The following NDRG4 variants were observed in gnomAD, a reference collection of about 807,000 sequenced individuals.
NDRG4 encodes protein NDRG4.
In NDRG4, 38 loss-of-function variants were observed where a neutral mutation model predicts 55.8. The ratio of observed to expected loss-of-function variants is 0.68; its 90% CI spans 0.53 to 0.89. NDRG4 has a LOEUF of 0.89. Among genes scored for constraint, NDRG4 ranks in the 40% least tolerant of loss-of-function variants. NDRG4 has a pLI of 0.00. For missense variants in NDRG4, 455 were observed against 468.6 expected (o/e 0.97, Z 0.27); for synonymous variants, 190 against 182.7 (o/e 1.04, Z -0.32).
rs2031167669 is a variant in NDRG4 at position 58,464,424 on chromosome 16, C to G, written c.-24+627C>G. 2 of 1,367,848 alleles carry G rather than the reference C, an allele frequency of 1.5e-6. No homozygotes were observed. The highest frequency in any genetic ancestry group is 1.9e-6 in the Non-Finnish European group (2 of 1,063,254). The allele number at this position is 1,367,848 out of a possible 1,614,324, so 84.7% of individuals were successfully genotyped here. A position where few individuals can be genotyped will look rare whatever the true frequency, so the allele number is the denominator to read the frequency against. On this transcript the variant is annotated intron_variant, in intron 1 of 15. Coordinates refer to the NDRG4 transcript ENST00000258187. The surrounding 1 kb of genome is among the most constrained non-coding windows in gnomAD (Gnocchi z 4.8). Reference sequence around the variant, plus strand: ...CCACCCAGAGCCGGGCCGCGCCGGGCGCCGAGATGAAGGTGCTGGGACACC... The same window carrying G: ...CCACCCAGAGCCGGGCCGCGCCGGGGGCCGAGATGAAGGTGCTGGGACACC...
chr16:58,514,350 C>T (rs1490804898), downstream of NDRG4, among the ~76,000 whole-genome samples: 1 of 152,140 alleles, frequency 6.6e-6, no homozygotes. Flanking sequence ...TTTCTTTAGT[C>T]AACATACCAA....
chr16:58,479,117 C>T (rs1039875143), intron 1 of NDRG4, among the ~76,000 whole-genome samples: 1 of 152,150 alleles, frequency 6.6e-6, no homozygotes, highest in African/African-American at 2.4e-5. Context: ...CAATCTTCGC[C>T]TCCCAAGTTC....
chr16:58,505,295 G>A (rs1478743959), intron 5 of NDRG4, among the ~76,000 whole-genome samples: 2 of 151,870 alleles, frequency 1.3e-5, no homozygotes, highest in Non-Finnish European at 2.9e-5. Context: ...CTTGCAGTGA[G>A]CTGAGATCGC....
rs982822176 is a variant in NDRG4 at position 58,500,346 on chromosome 16, G to GC, written c.21+83dup. On this transcript the variant is annotated intron_variant, in intron 1 of 14. Transcript: ENST00000570248. ...TTATGACCCACCGCAGGGAGGAAGT[G>GC]CCCCCCTCAACCCACATCTGGTGGC... is the stretch of plus-strand genomic sequence containing the variant. The GC allele has an allele frequency of 9.3e-6, 14 of 1,505,524 alleles. No individual in the cohort carries two copies. In the East Asian group the frequency reaches 1.2e-4, roughly 13 times the overall value. The allele number at this position is 1,505,524 out of a possible 1,614,324, so 93.3% of individuals were successfully genotyped here. A position where few individuals can be genotyped will look rare whatever the true frequency, so the allele number is the denominator to read the frequency against.
At chr16:58,505,070 T>A (rs1326526529) in intron 5 of NDRG4, among the ~76,000 whole-genome samples, 1 of 152,056 alleles carries the variant, frequency 6.6e-6, no homozygotes, top group Non-Finnish European at 1.5e-5. Context: ...TTCAAAAACA[T>A]CATTGTCGGT....
chr16:58,507,918 C>A, intron 9 of NDRG4, 30 bp from the exon 10 acceptor site: 1 of 1,613,338 alleles, frequency 6.2e-7, no homozygotes, highest in Non-Finnish European at 8.5e-7. Context: ...CATGACCCAG[C>A]CAGACAGCCC....
intron 1 of NDRG4, among the ~76,000 whole-genome samples, chr16:58,472,509 C>A (rs1230606250): frequency 6.6e-6 from 1 of 152,156 alleles, no homozygotes; most frequent in Non-Finnish European, 1.5e-5. Context: ...TGTGTGATTG[C>A]CAAAGGGAGA....
chr16:58,472,459 C>T (rs1408021060), intron 1 of NDRG4, among the ~76,000 whole-genome samples: 2 of 152,192 alleles, frequency 1.3e-5, no homozygotes, highest in African/African-American at 4.8e-5. Context: ...CTGTCAAGCA[C>T]GTAGGGCCCT....
upstream of NDRG4, chr16:58,500,096 G>T (rs2036875721): frequency 1.3e-6 from 2 of 1,514,242 alleles, no homozygotes; most frequent in Admixed American, 2.0e-5. Flanking sequence ...GGCTAGCTAG[G>T]CTGGGCCAGG....
chr16:58,464,602 C>T lies in NDRG4; in HGVS notation c.-24+805C>T. On this transcript the variant is annotated intron_variant, in intron 1 of 15. Transcript: ENST00000258187. The surrounding 1 kb of genome is among the most constrained non-coding windows in gnomAD (Gnocchi z 4.8). Reference sequence around the variant, plus strand: ...ACCCCAACTAAGTCCTAGTTTTGTGCTACCTGTTTGTGTGCGGAGCCCAGC... The same window carrying T: ...ACCCCAACTAAGTCCTAGTTTTGTGTTACCTGTTTGTGTGCGGAGCCCAGC... 2 of 986,290 alleles carry T rather than the reference C, an allele frequency of 2.0e-6. No individual in the cohort carries two copies. Among genetic ancestry groups the T allele is most frequent in the South Asian group, 3.4e-5 (1 of 29,500 alleles). 61.1% of individuals were successfully genotyped at this position (986,290 alleles called of 1,614,324 possible).
chr16:58,507,574 C>T (rs1341209353), intron 8 of NDRG4: 1 of 549,240 alleles, frequency 1.8e-6, no homozygotes, highest in African/African-American at 1.9e-5. Flanking sequence ...GCAGAAACTC[C>T]CACAGCACAG....
chr16:58,475,979 C>T (rs929844463), intron 1 of NDRG4, among the ~76,000 whole-genome samples: 36 of 152,108 alleles, frequency 2.4e-4, no homozygotes, highest in African/African-American at 8.2e-4. Context: ...GTATTTTTAA[C>T]AGAGATGGGG....
intron 1 of NDRG4, chr16:58,500,636 G>A (rs903777307): frequency 2.0e-5 from 10 of 494,676 alleles, no homozygotes; most frequent in African/African-American, 2.0e-4. Context: ...GTGCCCTCTG[G>A]TGTGCGCTTG....
At position 58,494,268 on chromosome 16, in the gene NDRG4, T is replaced by A. The variant is rs144843646; in HGVS notation, c.73-696T>A. On this transcript the variant is annotated intron_variant, in intron 2 of 15. Transcript: ENST00000258187. ...TGATCTGAGGCACAAAGCGACCAGG[T>A]CTGGAGAGGTGGGAGCAGCTGCCAC... Among the ~76,000 whole-genome samples, 44 of 152,264 alleles carry A rather than the reference T, an allele frequency of 2.9e-4. 1 individual carries two copies. In the East Asian group the frequency reaches 8.3e-3, roughly 29 times the overall value.
chr16:58,473,239 A>G (rs892247376), intron 1 of NDRG4, among the ~76,000 whole-genome samples: 1 of 151,946 alleles, frequency 6.6e-6, no homozygotes, highest in Non-Finnish European at 1.5e-5. Context: ...AGCTCACTGC[A>G]GCCTTGACCT....
Position 58,511,099 on chromosome 16 carries a change from C to A in NDRG4, c.905-323C>A, listed in dbSNP as rs187729656. On this transcript the variant is annotated intron_variant, in intron 14 of 14. Transcript: ENST00000570248. The stretch of plus-strand genomic sequence containing the variant: ...TGAATTGAGGGCAGTATGCGACCAC[C>A]GCTCCGCGTCCTCCTTTACAGAAAC... 3 of 472,512 alleles carry A rather than the reference C, an allele frequency of 6.3e-6. No homozygotes were observed. In the East Asian group the frequency reaches 1.1e-4, roughly 17 times the overall value. The allele number at this position is 472,512 out of a possible 1,614,324, so 29.3% of individuals were successfully genotyped here.
chr16:58,506,142 GTGTGTGTGTGTGTGTC>G lies in NDRG4; in HGVS notation c.373-233_373-218del, dbSNP rs745992192. The G allele has an allele frequency of 3.5e-4, 222 of 636,200 alleles. No homozygotes were observed. In the Middle Eastern group the frequency reaches 6.6e-3, roughly 19 times the overall value. The allele number at this position is 636,200 out of a possible 1,614,324, so 39.4% of individuals were successfully genotyped here. A position where few individuals can be genotyped will look rare whatever the true frequency, so the allele number is the denominator to read the frequency against. ...GATTCTGTTGAAAGAGCGTGTGTGTGTGTGTGTGTGTGTGTCTGTGTGTGTGTAGGGGTGGAAACAA... is the reference window on the plus strand; with the variant it reads ...GATTCTGTTGAAAGAGCGTGTGTGTGTGTGTGTGTGTAGGGGTGGAAACAA... On this transcript the variant is annotated intron_variant, in intron 5 of 14. Transcript: ENST00000570248.
rs1039146241 is a variant in NDRG4 at position 58,464,999 on chromosome 16, C to A, written c.-24+1202C>A. 84 of 1,230,402 alleles carry A rather than the reference C, an allele frequency of 6.8e-5. No individual in the cohort carries two copies. Among genetic ancestry groups the A allele is most frequent in the Non-Finnish European group, 8.6e-5 (82 of 958,490 alleles). 76.2% of individuals were successfully genotyped at this position (1,230,402 alleles called of 1,614,324 possible). ...CTTGGGGCTCCTCTGGAGAAGTGAT[C>A]AGTTGCCCTGCTGGAAACTCACATC... is the stretch of plus-strand genomic sequence containing the variant. On this transcript the variant is annotated intron_variant, in intron 1 of 15. Coordinates refer to the NDRG4 transcript ENST00000258187. This position sits in a 1 kb window ranked among gnomAD's most constrained non-coding sequence, Gnocchi z 4.8.
intron 1 of NDRG4, among the ~76,000 whole-genome samples, chr16:58,470,177 TTC>T (rs1294500921): frequency 6.6e-6 from 1 of 152,230 alleles, no homozygotes; most frequent in Non-Finnish European, 1.5e-5. Flanking sequence ...GAAATTCAAA[TTC>T]TGTTTTTAAA....
Sources: gnomAD v4.1 joint callset for allele counts (sites outside exome capture counted in the v4.1 genomes callset) on GRCh38, gnomAD v4.1.1 for gene constraint, Gnocchi (gnomAD v3.1) non-coding constraint, MANE v1.5 for transcripts, NCBI Gene and HGNC (gene_info 2026-07-23, HGNC 2026-07-21) for gene names.